STON1: variants seen among roughly 807,000 people sequenced by gnomAD.
STON1 encodes stonin-1.
A neutral mutation model predicts 60.9 loss-of-function variants in STON1; 79 were observed. The observed-to-expected ratio is 1.30, with a 90% CI of 1.08 to 1.56. The LOEUF (loss-of-function observed/expected upper bound fraction) is 1.56. Ranked by LOEUF, STON1 falls within the 40% of genes most tolerant of loss-of-function variation. The pLI is 0.00. For synonymous variants in STON1, 363 were observed against 306.9 expected (o/e 1.18, Z -1.91); for missense variants, 1,166 against 858.9 (o/e 1.36, Z -4.47).
intron 1 of STON1, among the ~76,000 whole-genome samples, chr2:48,576,772 CAGGCCGGGCG>C (rs1351126044): frequency 5.9e-5 from 9 of 152,072 alleles, no homozygotes; most frequent in Admixed American, 5.9e-4. Flanking sequence ...ATACCGTTTG[CAGGCCGGGCG>C]CGGTGGCTCA....
chr2:48,590,636 A>AACACACACACACAC (rs6146756), intron 2 of STON1, among the ~76,000 whole-genome samples: 4,271 of 141,944 alleles, frequency 0.03, 126 homozygotes, highest in East Asian at 0.078. Context: ...ATTTCCTTAT[A>AACACACACACACAC]ACACACACAC....
intron 1 of STON1, among the ~76,000 whole-genome samples, chr2:48,558,116 G>A (rs191728812): frequency 1.1e-4 from 16 of 152,256 alleles, no homozygotes; most frequent in Admixed American, 9.1e-4. Context: ...CCAGCTACTC[G>A]GCAGGCTGAG....
intron 1 of STON1, among the ~76,000 whole-genome samples, chr2:48,554,719 T>TA (rs1672243674): frequency 1.6e-5 from 1 of 63,174 alleles, no homozygotes; most frequent in Admixed American, 1.5e-4. Context: ...TTTTTTTTTT[T>TA]TTTTTTATTT....
chr2:48,548,849 T>C (rs1034198935), intron 1 of STON1, among the ~76,000 whole-genome samples: 5 of 152,166 alleles, frequency 3.3e-5, no homozygotes, highest in African/African-American at 1.2e-4. Context: ...GCCCACTGAA[T>C]ACTACAACAT....
chr2:48,551,079 T>C (rs1427225308), intron 1 of STON1, among the ~76,000 whole-genome samples: 1 of 152,088 alleles, frequency 6.6e-6, no homozygotes, highest in Non-Finnish European at 1.5e-5. Context: ...GGGGGTACAT[T>C]TGCAGGTTTG....
chr2:48,546,108 G>C (rs1254358051), intron 1 of STON1, among the ~76,000 whole-genome samples: 1 of 152,152 alleles, frequency 6.6e-6, no homozygotes, highest in African/African-American at 2.4e-5. Flanking sequence ...CCTCCTATCT[G>C]ACATTCTTGC....
intron 1 of STON1, among the ~76,000 whole-genome samples, chr2:48,564,479 CTTTCTTCTTCTTCTT>C (rs1672785586): frequency 7.9e-5 from 2 of 25,178 alleles, no homozygotes; most frequent in African/African-American, 1.4e-4. Context: ...TCTTCTTCTT[CTTTCTTCTTCTTCTT>C]CTTCTTCTTC....
At chr2:48,570,847 T>TTG in intron 1 of STON1, among the ~76,000 whole-genome samples, 2 of 132,204 alleles carry the variant, frequency 1.5e-5, no homozygotes, top group East Asian at 4.3e-4. Flanking sequence ...CTCTGAGTTT[T>TTG]TTTTTTTTTT....
intron 1 of STON1, among the ~76,000 whole-genome samples, chr2:48,537,133 GT>G (rs1193069929): frequency 6.6e-6 from 1 of 152,130 alleles, no homozygotes; most frequent in Non-Finnish European, 1.5e-5. Flanking sequence ...GGGGTAGATG[GT>G]CCAGTACAGT....
chr2:48,586,089 G>C (rs1674192225), intron 2 of STON1, among the ~76,000 whole-genome samples: 1 of 152,228 alleles, frequency 6.6e-6, no homozygotes, highest in African/African-American at 2.4e-5. Context: ...AGCCTGGCCA[G>C]GGTAACCACA....
chr2:48,538,957 C>G (rs2103747408), intron 1 of STON1, among the ~76,000 whole-genome samples: 1 of 151,962 alleles, frequency 6.6e-6, no homozygotes, highest in African/African-American at 2.4e-5. Flanking sequence ...TGCTGTGTCA[C>G]CCACTGCTGG....
At chr2:48,595,127 G>A in intron 3 of STON1, 101 bp from the exon 4 acceptor site, 1 of 900,858 alleles carries the variant, frequency 1.1e-6, no homozygotes, top group Non-Finnish European at 1.8e-6. Flanking sequence ...CAAAGGGTGA[G>A]GTTTGTGCAG....
intron 1 of STON1, among the ~76,000 whole-genome samples, chr2:48,539,826 C>T (rs1054667274): frequency 6.6e-6 from 1 of 152,082 alleles, no homozygotes; most frequent in Non-Finnish European, 1.5e-5. Flanking sequence ...ATAGGCCACT[C>T]ATTTTCTACT....
chr2:48,564,405 G>GTCTTCTTCTTCTTCTTCCTCC (rs1553359256), intron 1 of STON1, among the ~76,000 whole-genome samples: 1 of 82,940 alleles, frequency 1.2e-5, no homozygotes, highest in Non-Finnish European at 2.5e-5. Flanking sequence ...CAGTGGCGGT[G>GTCTTCTTCTTCTTCTTCCTCC]TCTTCTTCTT....
chr2:48,575,775 T>TTGG (rs1673458363), intron 1 of STON1, among the ~76,000 whole-genome samples: 1 of 136,212 alleles, frequency 7.3e-6, no homozygotes, highest in Non-Finnish European at 1.6e-5. Flanking sequence ...TTTTTTTTTT[T>TTGG]GAGATGCAGT....
At chr2:48,557,111 G>T (rs1257302259) in intron 1 of STON1, among the ~76,000 whole-genome samples, 6 of 102,196 alleles carry the variant, frequency 5.9e-5, no homozygotes, top group Non-Finnish European at 8.3e-5. Context: ...GGTGGCTGCC[G>T]GGCGGAGACG....
Position 48,595,319 on chromosome 2 carries a change from T to C in STON1, c.*17T>C, listed in dbSNP as rs756106414. The stretch of plus-strand genomic sequence containing the variant: ...ACTCAGTAGGAGTAGCAAGAGTTTA[T>C]GATGACAGCCCACTTGTCAAATATG... On this transcript the variant is annotated 3_prime_UTR_variant, in exon 4 of 4. Coordinates refer to ENST00000404752, the MANE Select transcript of STON1 (RefSeq NM_006873.4). 6 of 1,603,866 alleles carry C rather than the reference T, an allele frequency of 3.7e-6. No individual in the cohort carries two copies. Among genetic ancestry groups the C allele is most frequent in the African/African-American group, 1.3e-5 (1 of 74,716 alleles).
intron 1 of STON1, among the ~76,000 whole-genome samples, chr2:48,575,433 C>T (rs554549994): frequency 6.6e-6 from 1 of 152,050 alleles, no homozygotes; most frequent in African/African-American, 2.4e-5. Flanking sequence ...GAGGGTGGAT[C>T]ACCTGAGGTC....
rs1437291169 is a variant in STON1, at chr2:48,564,659, T to A, written c.-47-15928T>A. On this transcript the variant is annotated intron_variant, in intron 1 of 3. Coordinates refer to ENST00000404752, the MANE Select transcript of STON1 (RefSeq NM_006873.4). ...TTCTCCTTCTCCTTCTTCTTCTTCT[T>A]TCTTATTTCTTCTTCTTCTTCTTCC... Among the ~76,000 whole-genome samples, 17 of 109,962 alleles carry A rather than the reference T, an allele frequency of 1.5e-4. 2 individuals are homozygous for A. Among genetic ancestry groups the A allele is most frequent in the Non-Finnish European group, 2.7e-4 (14 of 51,182 alleles). The allele number at this position is 109,962 out of a possible 152,430, so 72.1% of individuals were successfully genotyped here.
Sources: gnomAD v4.1 joint callset for allele counts (sites outside exome capture counted in the v4.1 genomes callset) on GRCh38, gnomAD v4.1.1 for gene constraint, MANE v1.5 for transcripts, NCBI Gene and HGNC (gene_info 2026-07-23, HGNC 2026-07-21) for gene names.